Variants in ITGB8 observed in about 807,000 individuals in gnomAD.
The protein encoded by ITGB8 is integrin subunit beta 8.
A neutral mutation model predicts 89.5 loss-of-function variants in ITGB8; 30 were observed. The observed-to-expected ratio is 0.34, with a 90% confidence interval of 0.25 to 0.45. The LOEUF (loss-of-function observed/expected upper bound fraction) is 0.45, where lower values mean the gene tolerates loss of function less well. ITGB8 is among the 20% of genes least tolerant of loss of function. The pLI is 1.00. For missense variants in ITGB8, 836 were observed against 933.3 expected, an observed-to-expected ratio of 0.90 and a Z score of 1.36; for synonymous variants, 335 against 320.4, an observed-to-expected ratio of 1.05 and a Z score of -0.49.
rs66469619 is a variant in ITGB8 at position 20,411,146 on chromosome 7, C to CTTTTTTTTTTTT, written c.*1163_*1174dup. 1 of 60,352 alleles carries CTTTTTTTTTTTT rather than the reference C, an allele frequency of 1.7e-5. No homozygotes were observed. Among genetic ancestry groups the CTTTTTTTTTTTT allele is most frequent in the Non-Finnish European group, 2.9e-5 (1 of 34,682 alleles). 3.7% of individuals were successfully genotyped at this position (60,352 alleles called of 1,614,324 possible). On this transcript the variant is annotated 3_prime_UTR_variant, in exon 14 of 14. Coordinates refer to ENST00000222573, the MANE Select transcript of ITGB8 (RefSeq NM_002214.3). ...GAATAGATGATATCTTAGAAATAAGCTTTTTTTTTTTTTTTTTTTTTTTTT... is the reference window on the plus strand; with the variant it reads ...GAATAGATGATATCTTAGAAATAAGCTTTTTTTTTTTTTTTTTTTTTTTTTTTTTTTTTTTTT...
intron 10 of ITGB8, 139 bp from the exon 11 acceptor site, chr7:20,404,489 C>A (rs1405224793): frequency 2.8e-6 from 2 of 716,434 alleles, no homozygotes; most frequent in Admixed American, 4.3e-5. Context: ...TTGTGTCAGA[C>A]CAATGAAAAA....
At chr7:20,368,011 G>T (rs1785774962) in intron 3 of ITGB8, among the ~76,000 whole-genome samples, 1 of 152,080 alleles carries the variant, frequency 6.6e-6, no homozygotes, top group Non-Finnish European at 1.5e-5. Flanking sequence ...TTTCATTGTG[G>T]GTGGTCCTGT....
intron 2 of ITGB8, chr7:20,364,578 G>A (rs1054324418): frequency 6.6e-6 from 1 of 152,244 alleles, no homozygotes; most frequent in African/African-American, 2.4e-5. Context: ...CTGAAAGTAA[G>A]TCTCCCTACT....
chr7:20,373,194 G>A (rs897109369), intron 3 of ITGB8, among the ~76,000 whole-genome samples: 4 of 152,112 alleles, frequency 2.6e-5, no homozygotes, highest in Non-Finnish European at 5.9e-5. Context: ...AAAAATGTTA[G>A]TAGGACTATA....
intron 3 of ITGB8, among the ~76,000 whole-genome samples, chr7:20,376,772 G>A (rs1000355787): frequency 6.6e-6 from 1 of 152,178 alleles, no homozygotes; most frequent in Non-Finnish European, 1.5e-5. Flanking sequence ...GTCTTGCAGT[G>A]TAAAAATATC....
intron 7 of ITGB8, among the ~76,000 whole-genome samples, chr7:20,393,325 A>G (rs191916619): frequency 5.2e-4 from 79 of 152,378 alleles, no homozygotes; most frequent in Middle Eastern, 6.8e-3. Flanking sequence ...CAAAGTCAGA[A>G]TCAACTGGCT....
In ITGB8 at chr7:20,401,987, T is replaced by C. The variant is rs778379662; in HGVS notation, c.1548T>C (p.Asp516=). Residue 516 remains aspartate, a synonymous_variant, in exon 10 of 14, where the codon GAT becomes GAC. Coordinates refer to ENST00000222573, the MANE Select transcript of ITGB8 (RefSeq NM_002214.3). ...CTGAGAGTTGCAAGTCACACAAGGA[T>C]CAGCCTGTTTGCAGTGGTCGAGGAG... ...FSSESCKSHK[D]QPVCSGRGVC... The C allele has an allele frequency of 2.5e-6, 4 of 1,614,202 alleles. No individual in the cohort carries two copies. In the Admixed American group the frequency reaches 5.0e-5, roughly 20 times the overall value.
chr7:20,360,526 T>A (rs960678656), intron 1 of ITGB8, among the ~76,000 whole-genome samples: 1 of 152,058 alleles, frequency 6.6e-6, no homozygotes, highest in Non-Finnish European at 1.5e-5. Flanking sequence ...GAGTTTCCAA[T>A]GTCCATTAAA....
At chr7:20,403,128 T>A (rs563032650) in intron 10 of ITGB8, among the ~76,000 whole-genome samples, 4 of 152,356 alleles carry the variant, frequency 2.6e-5, no homozygotes, top group Admixed American at 2.6e-4. Flanking sequence ...AAATGTGCAA[T>A]GGAAAATTGT....
chr7:20,408,239 C>T (rs912158342), intron 12 of ITGB8, among the ~76,000 whole-genome samples: 1 of 152,146 alleles, frequency 6.6e-6, no homozygotes, highest in Non-Finnish European at 1.5e-5. Context: ...CCTCAAAAGA[C>T]ACCAATTTTG....
chr7:20,400,581 G>A lies in ITGB8; in HGVS notation c.1282-1140G>A, dbSNP rs143188525. On this transcript the variant is annotated intron_variant, in intron 9 of 13. Transcript: ENST00000222573. ...ATTGTAATGGATCTCAATCCAACGT[G>A]AAAGAAATATACCTTCTTATTTACC... 6.5e-4 allele frequency among the ~76,000 whole-genome samples: 99 copies of A among 152,208 alleles called. No individual in the cohort carries two copies. In the Middle Eastern group the frequency reaches 0.014, roughly 21 times the overall value.
intron 1 of ITGB8, among the ~76,000 whole-genome samples, chr7:20,359,315 A>T (rs1436666438): frequency 6.6e-6 from 1 of 152,170 alleles, no homozygotes; most frequent in Non-Finnish European, 1.5e-5. Flanking sequence ...TCAATAAAAA[A>T]TAATCCTTAT....
chr7:20,356,111 G>A (rs953240918), intron 1 of ITGB8, among the ~76,000 whole-genome samples: 4 of 151,888 alleles, frequency 2.6e-5, no homozygotes, highest in Admixed American at 2.0e-4. Flanking sequence ...TTTCTCTCAC[G>A]CCCATTTACT....
chr7:20,404,715 A>C lies in ITGB8; in HGVS notation c.1775A>C (p.His592Pro). The C allele has an allele frequency of 1.2e-6, 2 of 1,614,186 alleles. No individual in the cohort carries two copies. Among genetic ancestry groups the C allele is most frequent in the Non-Finnish European group, 1.7e-6 (2 of 1,180,016 alleles). ...RCQCPSAAAQHCVNSKGQVCS... is the reference protein window; with the variant it reads ...RCQCPSAAAQPCVNSKGQVCS... ...CAGTGCCCTTCAGCAGCAGCCCAGC[A>C]CTGTGTCAATTCAAAGGGCCAAGTG... The change falls in exon 11 of 14, where the codon CAC (histidine) becomes CCC (proline). Residue 592 changes from histidine (H) to proline (P), a missense_variant. Physicochemically the swap from His to Pro is moderately conservative, Grantham distance 77 (BLOSUM62 -2). Transcript: ENST00000222573.
rs1214718829 is a variant in ITGB8, at chr7:20,409,604, C to T, written c.2024-11C>T. ...AATTTTTAATCCATTTATTTGTTTG[C>T]TTCATTACAGAATGTTTCTCCAGCC... On this transcript the variant is annotated splice_polypyrimidine_tract_variant and intron_variant, in intron 12 of 13. Transcript: ENST00000222573. The T allele has an allele frequency of 1.9e-6, 3 of 1,579,350 alleles. No homozygotes were observed. The South Asian group carries it at 3.5e-5, about 18-fold the overall frequency.
chr7:20,348,809 C>A (rs3807935), intron 1 of ITGB8, among the ~76,000 whole-genome samples: 81,271 of 152,104 alleles, frequency 0.53, 22,443 homozygotes, highest in South Asian at 0.69. Context: ...TCATAAGTAG[C>A]CAGTGGGAAC....
At chr7:20,330,502 G>A (rs1370999412), upstream of ITGB8, among the ~76,000 whole-genome samples, 1 of 152,196 alleles carries the variant, frequency 6.6e-6, no homozygotes, top group Non-Finnish European at 1.5e-5. Context: ...GGGGGAGGAG[G>A]GAGAAGGGAA....
rs146311272 is a variant in ITGB8, at chr7:20,360,196, T to C, written c.128-3441T>C. Among the ~76,000 whole-genome samples, 452 of 152,300 alleles carry C rather than the reference T, an allele frequency of 3.0e-3. 5 individuals are homozygous for C. The highest frequency in any genetic ancestry group is 0.01 in the African/African-American group (418 of 41,576). On this transcript the variant is annotated intron_variant, in intron 1 of 13. Coordinates refer to ENST00000222573, the MANE Select transcript of ITGB8 (RefSeq NM_002214.3). ...GAAAACAGATTTTCACTTGTGAATT[T>C]GTTTTTGCCATGTGTACTATGGAAG... is the stretch of plus-strand genomic sequence containing the variant.
In ITGB8 at chr7:20,410,032, ATTG is replaced by A; in HGVS notation, c.*38_*40del. 2.5e-6 allele frequency: 4 copies of A among 1,579,968 alleles called. No individual in the cohort carries two copies. The highest frequency in any genetic ancestry group is 3.4e-6 in the Non-Finnish European group (4 of 1,160,558). On this transcript the variant is annotated 3_prime_UTR_variant, in exon 14 of 14. Coordinates refer to ENST00000222573, the MANE Select transcript of ITGB8 (RefSeq NM_002214.3). ...TTTAAACACTTAATGGGAAACTGGA[ATTG>A]TTAATAATTGCTCCTAAAGATTATA...
Sources: gnomAD v4.1 joint callset for allele counts (sites outside exome capture counted in the v4.1 genomes callset) on GRCh38, gnomAD v4.1.1 for gene constraint, MANE v1.5 for transcripts, NCBI Gene and HGNC (gene_info 2026-07-23, HGNC 2026-07-21) for gene names.